Variants in ANKRD6 observed in about 807,000 individuals in gnomAD.
The protein encoded by ANKRD6 is ankyrin repeat domain 6.
Under a neutral mutation model 82.3 loss-of-function variants are expected in ANKRD6, and 56 were observed. That is an observed-to-expected ratio of 0.68 (90% CI 0.55 to 0.85). The LOEUF is 0.85. ANKRD6 is among the 40% of genes least tolerant of loss of function. The pLI is 0.00. For synonymous variants in ANKRD6, 347 were observed against 352.1 expected (o/e 0.99, Z 0.16); for missense variants, 852 against 907.6 (o/e 0.94, Z 0.79).
At chr6:89,596,592 G>T (rs1324632944) in intron 3 of ANKRD6, among the ~76,000 whole-genome samples, 1 of 152,150 alleles carries the variant, frequency 6.6e-6, no homozygotes, top group Non-Finnish European at 1.5e-5. Flanking sequence ...TGCTATTATT[G>T]AGACATGGCC....
intron 1 of ANKRD6, among the ~76,000 whole-genome samples, chr6:89,446,492 AT>A (rs1772107091): frequency 6.6e-6 from 1 of 152,248 alleles, no homozygotes. Flanking sequence ...TGAGGCAGGC[AT>A]GTCAAAAACC....
intron 1 of ANKRD6, among the ~76,000 whole-genome samples, chr6:89,493,627 G>A (rs1410765564): frequency 6.6e-6 from 1 of 151,848 alleles, no homozygotes; most frequent in Non-Finnish European, 1.5e-5. Flanking sequence ...TGCCCAGGCT[G>A]GTCTCGAACT....
At chr6:89,498,385 A>T (rs1192092681) in intron 1 of ANKRD6, among the ~76,000 whole-genome samples, 2 of 152,208 alleles carry the variant, frequency 1.3e-5, no homozygotes, top group Admixed American at 6.5e-5. Context: ...AATTCTTGCT[A>T]TGTTTAAGGC....
rs1380849558 is a variant in ANKRD6 at position 89,629,257 on chromosome 6, G to A, written c.1612+19G>A. On this transcript the variant is annotated intron_variant, in intron 15 of 15. Transcript: ENST00000339746. ...TCTACAGGTAACCCACACACAGAGA[G>A]CCCTTTTGTCCAAAAGGAACACGAC... 1.9e-6 allele frequency: 3 copies of A among 1,613,422 alleles called. No individual in the cohort carries two copies. The highest frequency in any genetic ancestry group is 2.7e-5 in the African/African-American group (2 of 74,866).
At chr6:89,476,114 A>G (rs374658994) in intron 1 of ANKRD6, among the ~76,000 whole-genome samples, 1 of 152,214 alleles carries the variant, frequency 6.6e-6, no homozygotes, top group Non-Finnish European at 1.5e-5. Context: ...GTAGATTATC[A>G]TCTACATGTG....
chr6:89,608,915 T>C (rs1350061894), intron 5 of ANKRD6, among the ~76,000 whole-genome samples: 1 of 152,194 alleles, frequency 6.6e-6, no homozygotes, highest in Non-Finnish European at 1.5e-5. Context: ...TCTGACACTG[T>C]CTATAAGCCT....
intron 1 of ANKRD6, among the ~76,000 whole-genome samples, chr6:89,542,742 G>T (rs1784586498): frequency 6.6e-6 from 1 of 152,170 alleles, no homozygotes. Context: ...TCACTGTTTG[G>T]ATCAGCTCTG....
chr6:89,472,352 C>T (rs1277534341), intron 1 of ANKRD6, among the ~76,000 whole-genome samples: 1 of 152,192 alleles, frequency 6.6e-6, no homozygotes, highest in Admixed American at 6.5e-5. Context: ...CGTTAAGCTC[C>T]CACATTGTTT....
intron 1 of ANKRD6, among the ~76,000 whole-genome samples, chr6:89,553,525 A>G (rs188272591): frequency 2.3e-4 from 35 of 152,272 alleles, no homozygotes; most frequent in Admixed American, 1.8e-3. Context: ...CATATTCAGG[A>G]CTATGTTTGC....
At chr6:89,541,374 A>C (rs988763885) in intron 1 of ANKRD6, among the ~76,000 whole-genome samples, 3 of 112,410 alleles carry the variant, frequency 2.7e-5, no homozygotes, top group Admixed American at 8.8e-5. Context: ...TAGGTATTTA[A>C]TTTTACGTGT....
intron 4 of ANKRD6, among the ~76,000 whole-genome samples, chr6:89,603,464 G>A (rs559444858): frequency 2.0e-5 from 3 of 151,530 alleles, no homozygotes; most frequent in African/African-American, 7.3e-5. Flanking sequence ...ATGCTGGCAT[G>A]AGCCATTGTG....
chr6:89,459,507 A>G (rs1325466250), intron 1 of ANKRD6, among the ~76,000 whole-genome samples: 1 of 152,190 alleles, frequency 6.6e-6, no homozygotes, highest in Non-Finnish European at 1.5e-5. Flanking sequence ...TCAGTCCTCT[A>G]GCCTCTATTT....
intron 1 of ANKRD6, among the ~76,000 whole-genome samples, chr6:89,527,037 C>A (rs117099680): frequency 6.6e-6 from 1 of 152,294 alleles, no homozygotes; most frequent in East Asian, 1.9e-4. Context: ...CACACATACC[C>A]ATACATAATG....
chr6:89,627,431 T>A (rs963787540), intron 13 of ANKRD6, among the ~76,000 whole-genome samples, 152 bp from the exon 14 acceptor site: 1 of 152,234 alleles, frequency 6.6e-6, no homozygotes, highest in African/African-American at 2.4e-5. Context: ...AAGAGTTCCA[T>A]GAGTCCTACA....
In ANKRD6 at chr6:89,617,952, A is replaced by G. The variant is rs1459602779; in HGVS notation, c.715-2A>G. 1 of 1,613,900 alleles carries G rather than the reference A, an allele frequency of 6.2e-7. No homozygotes were observed. Among genetic ancestry groups the G allele is most frequent in the Admixed American group, 1.7e-5 (1 of 60,020 alleles). ...CACCTGTCCTACTCTGCCTCTCCTC[A>G]GGCAGGCCAGACTCCGCTGGAGACT... On this transcript the variant is annotated splice_acceptor_variant, in intron 8 of 15. Coordinates refer to ENST00000339746, the MANE Select transcript of ANKRD6 (RefSeq NM_001242809.2). LOFTEE classifies it high-confidence loss of function.
At chr6:89,620,390 G>A (rs932543954) in intron 9 of ANKRD6, among the ~76,000 whole-genome samples, 2 of 152,148 alleles carry the variant, frequency 1.3e-5, no homozygotes, top group African/African-American at 2.4e-5. Context: ...GTTCACGAAC[G>A]CTCTGAAAGT....
chr6:89,627,121 T>TC (rs1392141748), intron 13 of ANKRD6, among the ~76,000 whole-genome samples: 21 of 152,130 alleles, frequency 1.4e-4, no homozygotes, highest in Middle Eastern at 6.8e-3. Context: ...CTTTTTTTTT[T>TC]TTTTGGCTCA....
intron 5 of ANKRD6, among the ~76,000 whole-genome samples, chr6:89,610,390 G>A (rs1382777312): frequency 6.6e-6 from 1 of 152,110 alleles, no homozygotes; most frequent in Non-Finnish European, 1.5e-5. Flanking sequence ...TTAGCATAAT[G>A]TTTTTGAGAT....
intron 2 of ANKRD6, among the ~76,000 whole-genome samples, chr6:89,575,701 A>AT (rs1406496679): frequency 6.6e-6 from 1 of 152,164 alleles, no homozygotes; most frequent in Non-Finnish European, 1.5e-5. Flanking sequence ...GGCTTGTAAG[A>AT]TATATATGGT....
Sources: gnomAD v4.1 joint callset for allele counts (sites outside exome capture counted in the v4.1 genomes callset) on GRCh38, gnomAD v4.1.1 for gene constraint, MANE v1.5 for transcripts, NCBI Gene and HGNC (gene_info 2026-07-23, HGNC 2026-07-21) for gene names.